PATJ: variants seen among roughly 807,000 people sequenced by gnomAD.
PATJ encodes the protein PATJ crumbs cell polarity complex component.
Under a neutral mutation model 224.9 loss-of-function variants are expected in PATJ, and 190 were observed. The observed-to-expected ratio is 0.84, with a 90% CI of 0.75 to 0.95. The LOEUF (loss-of-function observed/expected upper bound fraction) is 0.95, where lower values mean the gene tolerates loss of function less well. Ranked by LOEUF, PATJ falls within the 40% of genes least tolerant of loss-of-function variation. The pLI, the probability that PATJ is intolerant of heterozygous loss-of-function variation, is 0.00. For synonymous variants in PATJ, 769 were observed against 820.3 expected, an observed-to-expected ratio of 0.94 and a Z score of 1.07; for missense variants, 2,121 against 2,270.3, an observed-to-expected ratio of 0.93 and a Z score of 1.34.
chr1:61,899,829 A>G (rs1246188503), intron 23 of PATJ, among the ~76,000 whole-genome samples, 175 bp downstream of exon 23: 1 of 152,212 alleles, frequency 6.6e-6, no homozygotes, highest in African/African-American at 2.4e-5. Context: ...TTTTTAGCTG[A>G]ACAAAATGAC....
chr1:61,745,664 C>T (rs749809283), intron 1 of PATJ, among the ~76,000 whole-genome samples: 13 of 151,874 alleles, frequency 8.6e-5, no homozygotes, highest in Non-Finnish European at 1.3e-4. Context: ...AGTGCAATGG[C>T]GCTGTCTTGG....
At chr1:62,158,260 G>T (rs966677824) in intron 43 of PATJ, among the ~76,000 whole-genome samples, 2 of 149,452 alleles carry the variant, frequency 1.3e-5, no homozygotes, top group African/African-American at 2.4e-5. Context: ...CATTGGTAAA[G>T]TAGGAGAGTA....
Position 62,080,800 on chromosome 1 carries a change from G to A in PATJ, c.4243+1233G>A, listed in dbSNP as rs115331189. Among the ~76,000 whole-genome samples, 1,269 of 151,968 alleles carry A rather than the reference G, an allele frequency of 8.4e-3. 16 individuals are homozygous for A. The highest frequency in any genetic ancestry group is 0.029 in the African/African-American group (1,200 of 41,476). On this transcript the variant is annotated intron_variant, in intron 32 of 43. Transcript: ENST00000642238. ...ATATTAACTTCATAAAGTTCATCAA[G>A]CAGGTACTATTTTAAAGCATTGTAG...
In PATJ at chr1:62,051,039, A is replaced by G. The variant is rs761283721; in HGVS notation, c.4106A>G (p.Glu1369Gly). The G allele has an allele frequency of 3.7e-6, 6 of 1,613,046 alleles. No individual in the cohort carries two copies. The South Asian group carries it at 6.6e-5, about 18-fold the overall frequency. The change falls in exon 31 of 44, where the codon GAA (glutamate) becomes GGA (glycine). Residue 1369 changes from glutamate (E) to glycine (G), a missense_variant. Physicochemically the swap from Glu to Gly is moderately conservative, Grantham distance 98 (BLOSUM62 -2). Coordinates refer to ENST00000642238, the MANE Select transcript of PATJ (RefSeq NM_001350145.3). ...GAAGTTGGTATTAAACAATTGCCTGAAAGTGAAAGCTTCAAACTGGTGAGA... is the reference window on the plus strand; with the variant it reads ...GAAGTTGGTATTAAACAATTGCCTGGAAGTGAAAGCTTCAAACTGGTGAGA... Reference protein sequence around the residue: ...SVEVGIKQLPESESFKLAVSQ... With the variant: ...SVEVGIKQLPGSESFKLAVSQ...
intron 20 of PATJ, among the ~76,000 whole-genome samples, chr1:61,870,026 G>A (rs1666088248): frequency 6.6e-6 from 1 of 152,234 alleles, no homozygotes; most frequent in African/African-American, 2.4e-5. Context: ...AGTTCAGTGA[G>A]CCCTCTGCCT....
intron 1 of PATJ, among the ~76,000 whole-genome samples, chr1:61,755,366 A>G (rs1645580424): frequency 6.6e-6 from 1 of 151,744 alleles, no homozygotes. Context: ...TTTTTACCTT[A>G]CCCTCATAAA....
intron 28 of PATJ, among the ~76,000 whole-genome samples, chr1:62,005,929 T>C (rs1646064923): frequency 6.6e-6 from 1 of 152,196 alleles, no homozygotes. Flanking sequence ...GTATAATATA[T>C]TATGACGTGA....
At chr1:61,750,435 C>CTTTT (rs3030066) in intron 1 of PATJ, among the ~76,000 whole-genome samples, 29 of 121,258 alleles carry the variant, frequency 2.4e-4, no homozygotes, top group Non-Finnish European at 3.0e-4. Flanking sequence ...TTTTCTGGAG[C>CTTTT]TTTTTTTTTT....
At chr1:62,132,623 C>G (rs1251093394) in intron 41 of PATJ, among the ~76,000 whole-genome samples, 1 of 152,088 alleles carries the variant, frequency 6.6e-6, no homozygotes, top group Non-Finnish European at 1.5e-5. Context: ...TATAAATGGG[C>G]CGGGTGCAGT....
At chr1:61,952,108 T>A (rs531616049) in intron 27 of PATJ, 2 of 415,450 alleles carry the variant, frequency 4.8e-6, no homozygotes, top group Admixed American at 7.5e-5. Context: ...CCAGGGATTT[T>A]GCTTCTCCGG....
intron 26 of PATJ, among the ~76,000 whole-genome samples, chr1:61,920,702 CTTTTTTTTTTTTT>C (rs71582652): frequency 1.1e-5 from 1 of 89,508 alleles, no homozygotes; most frequent in Admixed American, 1.5e-4. Context: ...GTATGGAATT[CTTTTTTTTTTTTT>C]TTTTTTTTTT....
At chr1:61,772,502 TAATA>T (rs759714700) in intron 6 of PATJ, among the ~76,000 whole-genome samples, 14 of 152,222 alleles carry the variant, frequency 9.2e-5, no homozygotes, top group Non-Finnish European at 2.1e-4. Context: ...GAATGCAAGC[TAATA>T]AATCTTATTT....
rs759686014 is a variant in PATJ at position 61,795,460 on chromosome 1, C to A, written c.1169-7C>A. ...CTTCCTTTTTCCGTATGTCTGTGCA[C>A]CTTAAGGGGAAGCTTCAGGGATTTA... On this transcript the variant is annotated splice_polypyrimidine_tract_variant and splice_region_variant and intron_variant, in intron 9 of 43. Transcript: ENST00000642238. 1 of 1,566,004 alleles carries A rather than the reference C, an allele frequency of 6.4e-7. No homozygotes were observed. The highest frequency in any genetic ancestry group is 1.2e-5 in the South Asian group (1 of 86,286).
rs555912631 is a variant in PATJ at position 61,772,715 on chromosome 1, T to C, written c.720+1089T>C. ...ATAAAGTGGGGCATTGTTTAACGTATAAAGAACAAGGGCTTTGGAGTCAGG... is the reference window on the plus strand; with the variant it reads ...ATAAAGTGGGGCATTGTTTAACGTACAAAGAACAAGGGCTTTGGAGTCAGG... On this transcript the variant is annotated intron_variant, in intron 6 of 43. Coordinates refer to ENST00000642238, the MANE Select transcript of PATJ (RefSeq NM_001350145.3). Among the ~76,000 whole-genome samples, 47 of 152,316 alleles carry C rather than the reference T, an allele frequency of 3.1e-4. No homozygotes were observed. The South Asian group carries it at 8.7e-3, about 28-fold the overall frequency.
chr1:62,000,140 C>T (rs897274244), intron 28 of PATJ, among the ~76,000 whole-genome samples: 2 of 151,870 alleles, frequency 1.3e-5, no homozygotes, highest in Non-Finnish European at 1.5e-5. Flanking sequence ...CCTCCCGCCT[C>T]GGCCTCCCAA....
chr1:61,779,330 A>T (rs1647116717), intron 7 of PATJ, among the ~76,000 whole-genome samples: 1 of 152,228 alleles, frequency 6.6e-6, no homozygotes, highest in African/African-American at 2.4e-5. Flanking sequence ...TTTGAGATCT[A>T]TAGGGCAGGC....
At chr1:61,805,303 C>A (rs1457930781) in intron 12 of PATJ, 145 bp from the exon 13 acceptor site, 2 of 589,682 alleles carry the variant, frequency 3.4e-6, no homozygotes, top group Non-Finnish European at 6.0e-6. Flanking sequence ...ACCTAGCAGA[C>A]CTAAGTTAAT....
At chr1:61,959,440 T>TTTC (rs1680944859) in intron 27 of PATJ, among the ~76,000 whole-genome samples, 2 of 72,486 alleles carry the variant, frequency 2.8e-5, no homozygotes, top group African/African-American at 1.1e-4. Flanking sequence ...TTTTCTTTTC[T>TTTC]TTTTTTTTTT....
At chr1:62,073,182 G>A (rs1283340444) in intron 31 of PATJ, 2 of 985,292 alleles carry the variant, frequency 2.0e-6, no homozygotes, top group Admixed American at 6.2e-5. Context: ...TGATTGCAAT[G>A]AGATCAGATC....
Sources: gnomAD v4.1 joint callset for allele counts (sites outside exome capture counted in the v4.1 genomes callset) on GRCh38, gnomAD v4.1.1 for gene constraint, MANE v1.5 for transcripts, NCBI Gene and HGNC (gene_info 2026-07-23, HGNC 2026-07-21) for gene names.